Variants in IPO11 observed in about 807,000 individuals in gnomAD.
IPO11 encodes the protein importin 11.
In IPO11, 66 loss-of-function variants were observed where a neutral mutation model predicts 143.2. The observed-to-expected ratio is 0.46, with a 90% CI of 0.38 to 0.57. IPO11 has a LOEUF of 0.57. Among genes scored for constraint, IPO11 ranks in the 20% least tolerant of loss-of-function variants. IPO11 has a pLI of 0.00. For synonymous variants in IPO11, 385 were observed against 377.8 expected, an observed-to-expected ratio of 1.02 and a Z score of -0.22; for missense variants, 1,026 against 1,141.0, an observed-to-expected ratio of 0.90 and a Z score of 1.45.
chr5:62,486,170 C>T (rs1300127843), intron 12 of IPO11, among the ~76,000 whole-genome samples: 3 of 151,632 alleles, frequency 2.0e-5, no homozygotes, highest in African/African-American at 4.8e-5. Context: ...TTAGTAGAGA[C>T]GGGGTTTCAT....
chr5:62,536,694 T>G lies in IPO11; in HGVS notation c.2090-8T>G, dbSNP rs757138530. On this transcript the variant is annotated splice_region_variant and splice_polypyrimidine_tract_variant and intron_variant, in intron 22 of 29. Coordinates refer to ENST00000325324, the MANE Select transcript of IPO11 (RefSeq NM_016338.5). ...TGGTTTTTTGTTTGACATTTATTGT[T>G]TTGGCAGAACTAAGTTCAGAAAATC... 2 of 1,575,736 alleles carry G rather than the reference T, an allele frequency of 1.3e-6. No individual in the cohort carries two copies. The highest frequency in any genetic ancestry group is 4.0e-5 in the Admixed American group (2 of 49,842).
intron 20 of IPO11, among the ~76,000 whole-genome samples, chr5:62,523,618 G>T (rs1018196545): frequency 6.6e-6 from 1 of 152,150 alleles, no homozygotes; most frequent in Non-Finnish European, 1.5e-5. Context: ...CTTTGAAGAA[G>T]AACCAGGAGG....
chr5:62,564,296 C>T (rs1743865039), intron 27 of IPO11, among the ~76,000 whole-genome samples: 1 of 152,042 alleles, frequency 6.6e-6, no homozygotes. Flanking sequence ...ATATTCAAGT[C>T]AGCAGTTTTA....
chr5:62,442,348 G>A (rs1220743268), intron 2 of IPO11, among the ~76,000 whole-genome samples: 2 of 151,920 alleles, frequency 1.3e-5, no homozygotes, highest in African/African-American at 4.8e-5. Flanking sequence ...AAAATAATTA[G>A]GTTTGCTTGT....
chr5:62,465,358 C>A (rs900416480), intron 5 of IPO11, among the ~76,000 whole-genome samples: 2 of 152,124 alleles, frequency 1.3e-5, no homozygotes, highest in East Asian at 1.9e-4. Flanking sequence ...AAAGGACTTA[C>A]TAAGAAAAAT....
intron 19 of IPO11, among the ~76,000 whole-genome samples, chr5:62,511,485 C>T (rs1329417109): frequency 6.6e-6 from 1 of 152,104 alleles, no homozygotes. Context: ...TAAGGTAACA[C>T]ATCTCTTAAT....
chr5:62,525,031 T>A (rs1371813270), intron 20 of IPO11, among the ~76,000 whole-genome samples: 1 of 152,216 alleles, frequency 6.6e-6, no homozygotes, highest in East Asian at 1.9e-4. Context: ...TTCAGCAAAC[T>A]AGAATTTTAG....
intron 6 of IPO11, among the ~76,000 whole-genome samples, chr5:62,469,873 G>T (rs1373002794): frequency 6.6e-6 from 1 of 152,086 alleles, no homozygotes; most frequent in Non-Finnish European, 1.5e-5. Flanking sequence ...CATTAATATA[G>T]CCGAAAACTG....
At position 62,610,822 on chromosome 5, in the gene IPO11, A is replaced by G. The variant is rs188603627; in HGVS notation, c.2763+8974A>G. 1.4e-4 allele frequency among the ~76,000 whole-genome samples: 22 copies of G among 152,228 alleles called. 1 individual carries two copies. The highest frequency in any genetic ancestry group is 3.2e-4 in the Non-Finnish European group (22 of 68,002). The stretch of plus-strand genomic sequence containing the variant: ...TTTTAATGCTTACCATGTGAAAACC[A>G]TTGATCTTTATAATCAGTACTTCCT... On this transcript the variant is annotated intron_variant, in intron 29 of 29. Coordinates refer to ENST00000325324, the MANE Select transcript of IPO11 (RefSeq NM_016338.5).
intron 27 of IPO11, among the ~76,000 whole-genome samples, chr5:62,572,441 GT>G (rs1352227981): frequency 6.6e-6 from 1 of 152,032 alleles, no homozygotes; most frequent in Non-Finnish European, 1.5e-5. Flanking sequence ...ATTATTTGGT[GT>G]TTACAACTCT....
At chr5:62,453,798 A>G (rs1292996363) in intron 5 of IPO11, among the ~76,000 whole-genome samples, 1 of 152,152 alleles carries the variant, frequency 6.6e-6, no homozygotes, top group African/African-American at 2.4e-5. Flanking sequence ...AGTTTACGTC[A>G]CACCACATTG....
At chr5:62,516,633 C>A (rs1742030597) in intron 20 of IPO11, among the ~76,000 whole-genome samples, 1 of 152,052 alleles carries the variant, frequency 6.6e-6, no homozygotes, top group African/African-American at 2.4e-5. Flanking sequence ...GTTACAGATT[C>A]CTGTTTAAGG....
intron 11 of IPO11, 21 bp from the exon 12 acceptor site, chr5:62,485,398 A>T (rs1746362438): frequency 6.3e-7 from 1 of 1,580,500 alleles, no homozygotes; most frequent in East Asian, 2.2e-5. Context: ...AAATGTCATT[A>T]TTACATATTT....
chr5:62,551,321 T>A lies in IPO11; in HGVS notation c.2445T>A (p.His815Gln). The change falls in exon 26 of 30, where the codon CAT becomes CAA. Residue 815 changes from histidine (H) to glutamine (Q), a missense_variant. Physicochemically the swap from His to Gln is conservative, Grantham distance 24. Transcript: ENST00000325324. ...FFSSLLNEMA[H>Q]KFNQEMDQLL... ...CTTCACTACTTAATGAGATGGCCCATAAATTTAATCAGGAGGTAAGAATCA... is the reference window on the plus strand; with the variant it reads ...CTTCACTACTTAATGAGATGGCCCAAAAATTTAATCAGGAGGTAAGAATCA... The A allele has an allele frequency of 6.4e-7, 1 of 1,571,078 alleles. No individual in the cohort carries two copies. Among genetic ancestry groups the A allele is most frequent in the Non-Finnish European group, 8.7e-7 (1 of 1,142,930 alleles).
intron 3 of IPO11, chr5:62,443,382 AGTGT>A (rs4024083): frequency 0.053 from 8,409 of 159,338 alleles, 212 homozygotes; most frequent in Middle Eastern, 0.061. Context: ...TTTCCATTTG[AGTGT>A]GTGTGTGTGT....
chr5:62,579,659 A>G lies in IPO11; in HGVS notation c.2583-11918A>G, dbSNP rs764601617. 8 of 1,546,716 alleles carry G rather than the reference A, an allele frequency of 5.2e-6. No individual in the cohort carries two copies. In the South Asian group the frequency reaches 8.4e-5, roughly 16 times the overall value. ...TATCTGACTGGGAATAATATATCTT[A>G]TATAAATGAAAGTGAATTAACAGGA... is the stretch of plus-strand genomic sequence containing the variant. On this transcript the variant is annotated intron_variant, in intron 27 of 29. Coordinates refer to ENST00000325324, the MANE Select transcript of IPO11 (RefSeq NM_016338.5).
At chr5:62,452,835 C>T (rs1216921423) in intron 5 of IPO11, among the ~76,000 whole-genome samples, 2 of 150,026 alleles carry the variant, frequency 1.3e-5, no homozygotes, top group African/African-American at 5.1e-5. Flanking sequence ...TCACTACAGC[C>T]TTGACCTCCT....
Position 62,435,214 on chromosome 5 carries a change from A to ATATATATGTATATATATGTATATATATG in IPO11, c.-6-2053_-6-2052insGTATATATATGTATATATATGTATATAT, listed in dbSNP as rs1554047245. ...TGTATATATATGTATATATATGTGT[A>ATATATATGTATATATATGTATATATATG]TATATATATATATCAGAGCAGCTGT... On this transcript the variant is annotated intron_variant, in intron 1 of 29. Transcript: ENST00000325324. Among the ~76,000 whole-genome samples, 30 of 121,996 alleles carry ATATATATGTATATATATGTATATATATG rather than the reference A, an allele frequency of 2.5e-4. 2 individuals are homozygous for ATATATATGTATATATATGTATATATATG. The highest frequency in any genetic ancestry group is 7.1e-4 in the African/African-American group (21 of 29,618). 80.0% of individuals were successfully genotyped at this position (121,996 alleles called of 152,430 possible).
At chr5:62,622,253 C>G (rs1746406449) in intron 29 of IPO11, among the ~76,000 whole-genome samples, 1 of 152,056 alleles carries the variant, frequency 6.6e-6, no homozygotes, top group African/African-American at 2.4e-5. Context: ...ATTCTGGTAC[C>G]TGAAACTACT....
Sources: allele counts gnomAD v4.1 joint callset (sites outside exome capture counted in the v4.1 genomes callset), GRCh38; gene constraint gnomAD v4.1.1; transcripts MANE v1.5; gene names NCBI Gene and HGNC (gene_info 2026-07-23, HGNC 2026-07-21).